Variants in ZPLD1 observed in about 807,000 individuals in gnomAD.
The protein encoded by ZPLD1 is zona pellucida-like domain-containing protein 1.
Under a neutral mutation model 47.2 loss-of-function variants are expected in ZPLD1, and 34 were observed. The ratio of observed to expected loss-of-function variants is 0.72; its 90% CI spans 0.55 to 0.96. The LOEUF (loss-of-function observed/expected upper bound fraction) is 0.96. Ranked by LOEUF, ZPLD1 falls within the 40% of genes least tolerant of loss-of-function variation. The pLI, the probability that ZPLD1 is intolerant of heterozygous loss-of-function variation, is 0.00. For missense variants in ZPLD1, 512 were observed against 505.8 expected (o/e 1.01, Z -0.12); for synonymous variants, 176 against 186.2 (o/e 0.95, Z 0.45).
At chr3:102,454,724 C>T (rs1234097375) in intron 4 of ZPLD1, among the ~76,000 whole-genome samples, 2 of 152,104 alleles carry the variant, frequency 1.3e-5, no homozygotes, top group Non-Finnish European at 2.9e-5. Context: ...GGCATGGTGG[C>T]GTGTGCCTCT....
chr3:102,431,172 A>G (rs1576142452), upstream of ZPLD1, among the ~76,000 whole-genome samples: 1 of 152,322 alleles, frequency 6.6e-6, no homozygotes, highest in Middle Eastern at 3.4e-3. Flanking sequence ...AGAAAGACAA[A>G]TGAGGAAGGC....
chr3:102,441,110 C>G (rs1245099168), intron 3 of ZPLD1, among the ~76,000 whole-genome samples: 1 of 152,000 alleles, frequency 6.6e-6, no homozygotes, highest in African/African-American at 2.4e-5. Flanking sequence ...GAAGGGTGAT[C>G]AAGCCATGAC....
In ZPLD1 at chr3:102,462,457, T is replaced by A. The variant is rs551147556; in HGVS notation, c.680+79T>A. 22 of 923,686 alleles carry A rather than the reference T, an allele frequency of 2.4e-5. No individual in the cohort carries two copies. In the African/African-American group the frequency reaches 3.4e-4, roughly 14 times the overall value. 57.2% of individuals were successfully genotyped at this position (923,686 alleles called of 1,614,324 possible). A position where few individuals can be genotyped will look rare whatever the true frequency, so the allele number is the denominator to read the frequency against. On this transcript the variant is annotated intron_variant, in intron 7 of 11. Coordinates refer to ENST00000466937, the MANE Select transcript of ZPLD1 (RefSeq NM_001329788.2). ...CTCATGAGTCATAAAGTTGGGCCAT[T>A]CATTTTTAAATTCAGTTTGAAAATA...
chr3:102,453,070 C>T lies in ZPLD1; in HGVS notation c.258C>T (p.Asn86=), dbSNP rs1379623550. 1 of 1,613,950 alleles carries T rather than the reference C, an allele frequency of 6.2e-7. No individual in the cohort carries two copies. The highest frequency in any genetic ancestry group is 2.2e-5 in the East Asian group (1 of 44,888). ...ACTGCAGAGGGTTCATCAATAACAA[C>T]ACCTTTCCAGCAGTGGTCATTTTTA... The part of the protein sequence containing the change: ...DSHCRGFINN[N]TFPAVVIFII... Residue 86 remains asparagine, a synonymous_variant, in exon 4 of 12, where the codon AAC becomes AAT. Transcript: ENST00000466937.
chr3:102,470,083 T>C (rs1383316514), intron 9 of ZPLD1, among the ~76,000 whole-genome samples: 4 of 152,060 alleles, frequency 2.6e-5, no homozygotes, highest in African/African-American at 4.8e-5. Context: ...CCGGGAAGGA[T>C]TTATTAAAGG....
At chr3:102,395,051 G>T (rs1706541426) in intron 7 of ZPLD1, among the ~76,000 whole-genome samples, 1 of 152,088 alleles carries the variant, frequency 6.6e-6, no homozygotes, top group South Asian at 2.1e-4. Flanking sequence ...CAGTGGGGTA[G>T]TAGAAGGAGG....
intron 11 of ZPLD1, 54 bp from the exon 12 acceptor site, chr3:102,477,389 T>G: frequency 3.9e-6 from 6 of 1,556,996 alleles, no homozygotes; most frequent in East Asian, 2.2e-5. Context: ...TGGGTCAAGG[T>G]GAGATAAATA....
chr3:102,458,867 A>T (rs962272510), intron 6 of ZPLD1, among the ~76,000 whole-genome samples: 1 of 152,030 alleles, frequency 6.6e-6, no homozygotes, highest in Non-Finnish European at 1.5e-5. Context: ...AGGCGGGTGG[A>T]TCACGAGGTC....
chr3:102,397,640 G>T (rs1039758020), intron 7 of ZPLD1, among the ~76,000 whole-genome samples: 1 of 152,106 alleles, frequency 6.6e-6, no homozygotes, highest in Non-Finnish European at 1.5e-5. Flanking sequence ...TTCAGAAGGT[G>T]CCTCTCTAGG....
chr3:102,432,569 C>T (rs1212074437), upstream of ZPLD1, among the ~76,000 whole-genome samples: 2 of 152,144 alleles, frequency 1.3e-5, no homozygotes, highest in Admixed American at 1.3e-4. Context: ...GGTCATTTGT[C>T]TCTGCAAAAG....
rs774165498 is a variant in ZPLD1, at chr3:102,464,273, A to G, written c.761+22A>G. On this transcript the variant is annotated intron_variant, in intron 8 of 11. Coordinates refer to ENST00000466937, the MANE Select transcript of ZPLD1 (RefSeq NM_001329788.2). ...TTAGGTAAGACTTAGCTGTCTAAGT[A>G]TTATATTGATACCAATGACCCAGTT... is the stretch of plus-strand genomic sequence containing the variant. The G allele has an allele frequency of 4.7e-6, 7 of 1,501,784 alleles. No individual in the cohort carries two copies. In the East Asian group the frequency reaches 1.6e-4, roughly 34 times the overall value. The allele number at this position is 1,501,784 out of a possible 1,614,324, so 93.0% of individuals were successfully genotyped here.
At chr3:102,388,134 A>G (rs940812056) in intron 6 of ZPLD1, among the ~76,000 whole-genome samples, 12 of 152,122 alleles carry the variant, frequency 7.9e-5, no homozygotes, top group African/African-American at 2.9e-4. Flanking sequence ...TGCTGGGATT[A>G]CAGGCGTGAG....
At chr3:102,472,042 A>G (rs1450897078) in intron 10 of ZPLD1, among the ~76,000 whole-genome samples, 1 of 152,250 alleles carries the variant, frequency 6.6e-6, no homozygotes, top group Non-Finnish European at 1.5e-5. Flanking sequence ...TAGGCAAATC[A>G]GCAAAAAGTG....
At chr3:102,471,799 A>G (rs956085025) in intron 10 of ZPLD1, among the ~76,000 whole-genome samples, 5 of 152,242 alleles carry the variant, frequency 3.3e-5, no homozygotes, top group African/African-American at 1.2e-4. Flanking sequence ...TAACAAGTTT[A>G]TAAAGTTTTA....
chr3:102,475,584 T>A (rs1707746908), intron 10 of ZPLD1, among the ~76,000 whole-genome samples: 2 of 152,170 alleles, frequency 1.3e-5, no homozygotes, highest in African/African-American at 2.4e-5. Flanking sequence ...GAAGAATTGA[T>A]CATAGTCCAT....
At chr3:102,472,902 A>G (rs917559759) in intron 10 of ZPLD1, among the ~76,000 whole-genome samples, 2 of 152,200 alleles carry the variant, frequency 1.3e-5, no homozygotes, top group African/African-American at 4.8e-5. Context: ...GACACACCTG[A>G]GACTGTGTAA....
intron 8 of ZPLD1, among the ~76,000 whole-genome samples, chr3:102,467,468 C>T (rs552909206): frequency 6.6e-5 from 10 of 152,088 alleles, no homozygotes; most frequent in East Asian, 5.8e-4. Context: ...TGATATTATG[C>T]AAAGCTAGAC....
At chr3:102,417,528 T>A (rs1354131121) in intron 7 of ZPLD1, among the ~76,000 whole-genome samples, 2 of 151,970 alleles carry the variant, frequency 1.3e-5, no homozygotes, top group African/African-American at 4.8e-5. Context: ...GCCGAGGTTA[T>A]GAAGCAGTTT....
At chr3:102,444,876 A>C (rs536106193) in intron 3 of ZPLD1, among the ~76,000 whole-genome samples, 1 of 152,150 alleles carries the variant, frequency 6.6e-6, no homozygotes, top group Non-Finnish European at 1.5e-5. Context: ...ATTCACAGGA[A>C]TCTCTGCATC....
Sources: gnomAD v4.1 joint callset for allele counts (sites outside exome capture counted in the v4.1 genomes callset) on GRCh38, gnomAD v4.1.1 for gene constraint, MANE v1.5 for transcripts, NCBI Gene and HGNC (gene_info 2026-07-23, HGNC 2026-07-21) for gene names.